PATL2: variants seen among roughly 807,000 people sequenced by gnomAD.
PATL2 encodes PAT1 homolog 2, also known as protein PAT1 homolog 2.
Under a neutral mutation model 77.0 loss-of-function variants are expected in PATL2, and 73 were observed. The observed-to-expected ratio is 0.95, with a 90% CI of 0.78 to 1.15. The LOEUF is 1.15. Among genes scored for constraint, PATL2 ranks in the 50% most tolerant of loss-of-function variants. PATL2 has a pLI of 0.00. For synonymous variants in PATL2, 265 were observed against 257.1 expected (o/e 1.03, Z -0.29); for missense variants, 618 against 655.4 (o/e 0.94, Z 0.62).
intron 3 of PATL2, among the ~76,000 whole-genome samples, chr15:44,705,415 C>T (rs2086714431): frequency 1.3e-5 from 2 of 152,182 alleles, no homozygotes; most frequent in African/African-American, 2.4e-5. Flanking sequence ...CTCCTGACCT[C>T]ATGATCTGCC....
chr15:44,672,249 A>G (rs1219968518), intron 8 of PATL2, 93 bp from the exon 9 acceptor site: 1 of 1,542,534 alleles, frequency 6.5e-7, no homozygotes, highest in East Asian at 2.4e-5. Context: ...TCTGGGAAGG[A>G]TGGAGCAAGC....
At chr15:44,677,471 T>C (rs1645353900) in intron 3 of PATL2, among the ~76,000 whole-genome samples, 1 of 152,190 alleles carries the variant, frequency 6.6e-6, no homozygotes, top group African/African-American at 2.4e-5. Flanking sequence ...TTGGCTGCTC[T>C]AATGGCAAAC....
At chr15:44,666,964 A>G in intron 16 of PATL2, 142 bp downstream of exon 16, 1 of 678,362 alleles carries the variant, frequency 1.5e-6, no homozygotes, top group South Asian at 1.9e-5. Flanking sequence ...GAAAAAAAGC[A>G]GAACAGCTAC....
At chr15:44,685,066 C>T (rs2086223257) in intron 3 of PATL2, among the ~76,000 whole-genome samples, 1 of 152,170 alleles carries the variant, frequency 6.6e-6, no homozygotes, top group South Asian at 2.1e-4. Context: ...TTGTCACCAA[C>T]AGGCCTGCCT....
chr15:44,691,619 C>T (rs2086393595), intron 3 of PATL2, among the ~76,000 whole-genome samples: 1 of 151,242 alleles, frequency 6.6e-6, no homozygotes, highest in Non-Finnish European at 1.5e-5. Flanking sequence ...GATCACAGCA[C>T]CACTGCACTC....
intron 15 of PATL2, 112 bp from the exon 16 acceptor site, chr15:44,667,315 G>T: frequency 2.6e-6 from 2 of 769,202 alleles, no homozygotes; most frequent in Non-Finnish European, 4.3e-6. Flanking sequence ...TAGAGATAGA[G>T]CTCAAAATAT....
intron 3 of PATL2, among the ~76,000 whole-genome samples, chr15:44,680,890 G>C (rs1451047633): frequency 2.0e-5 from 3 of 152,142 alleles, no homozygotes; most frequent in Non-Finnish European, 2.9e-5. Flanking sequence ...TGCAAATGCA[G>C]GGTCAAGACA....
chr15:44,678,228 A>G (rs1320222363), intron 3 of PATL2, among the ~76,000 whole-genome samples: 1 of 152,172 alleles, frequency 6.6e-6, no homozygotes, highest in Admixed American at 6.5e-5. Context: ...AGCACTATTA[A>G]CAAAAGGACC....
At chr15:44,695,244 G>T (rs933085093) in intron 3 of PATL2, among the ~76,000 whole-genome samples, 11 of 151,580 alleles carry the variant, frequency 7.3e-5, no homozygotes, top group African/African-American at 2.4e-4. Flanking sequence ...CAGGAGTTAA[G>T]AAATTAATTA....
At chr15:44,699,745 A>T (rs967097358) in intron 3 of PATL2, among the ~76,000 whole-genome samples, 1 of 152,192 alleles carries the variant, frequency 6.6e-6, no homozygotes, top group African/African-American at 2.4e-5. Context: ...AGCACCATTT[A>T]TTGAAGAGAG....
At chr15:44,674,436 T>G in intron 5 of PATL2, 1 of 555,628 alleles carries the variant, frequency 1.8e-6, no homozygotes, top group Non-Finnish European at 3.2e-6. Flanking sequence ...ACTAGTGCAG[T>G]GGTCCTCCCT....
In PATL2 at chr15:44,692,712, A is replaced by G. The variant is rs576676539; in HGVS notation, c.-75-16147T>C. On this transcript the variant is annotated intron_variant, in intron 3 of 17. Transcript: ENST00000682850. ...TTTAGGCCAGGCTAAGAAGAAGAAA[A>G]CCAAAACTTTGGGATATCTTTGTCT... is the stretch of plus-strand genomic sequence containing the variant. Among the ~76,000 whole-genome samples, 592 of 152,338 alleles carry G rather than the reference A, an allele frequency of 3.9e-3. 5 individuals are homozygous for G. The highest frequency in any genetic ancestry group is 0.014 in the African/African-American group (567 of 41,584).
rs772294594 is a variant in PATL2 at position 44,674,269 on chromosome 15, C to T, written c.223-39G>A. ...GAGGAAAAACCAGGCTCAAATGGGC[C>T]CCTGTAGTGTCTTCTGCATTCACCT... On this transcript the variant is annotated intron_variant, in intron 5 of 17. Transcript: ENST00000682850. The T allele has an allele frequency of 2.5e-5, 35 of 1,422,848 alleles. 1 individual carries two copies. The South Asian group carries it at 4.3e-4, about 18-fold the overall frequency. 88.1% of individuals were successfully genotyped at this position (1,422,848 alleles called of 1,614,324 possible).
intron 3 of PATL2, among the ~76,000 whole-genome samples, chr15:44,709,116 C>T (rs1410144204): frequency 6.6e-6 from 1 of 152,020 alleles, no homozygotes; most frequent in African/African-American, 2.4e-5. Flanking sequence ...CCAGGCTGGT[C>T]TCAAACTCCT....
chr15:44,693,768 C>G (rs192840386), intron 3 of PATL2, among the ~76,000 whole-genome samples: 24 of 152,006 alleles, frequency 1.6e-4, no homozygotes, highest in African/African-American at 5.3e-4. Context: ...TCTTGGCTCA[C>G]TGCAACCTTG....
chr15:44,711,299 C>T lies in PATL2; in HGVS notation c.-533G>A. The T allele has an allele frequency of 3.3e-6, 2 of 604,228 alleles. No individual in the cohort carries two copies. Among genetic ancestry groups the T allele is most frequent in the Non-Finnish European group, 5.9e-6 (2 of 336,732 alleles). 37.4% of individuals were successfully genotyped at this position (604,228 alleles called of 1,614,324 possible). A position where few individuals can be genotyped will look rare whatever the true frequency, so the allele number is the denominator to read the frequency against. On this transcript the variant is annotated 5_prime_UTR_variant, in exon 1 of 18. Coordinates refer to ENST00000682850, the MANE Select transcript of PATL2 (RefSeq NM_001387263.1). ...CCAAGCTGGGGCGCGCACCCCAGAT[C>T]GGAGGGCGCCGATGTACAGACAGCA... is the stretch of plus-strand genomic sequence containing the variant.
At chr15:44,676,738 G>C (rs1035848215) in intron 3 of PATL2, 173 bp from the exon 4 acceptor site, 1 of 1,253,652 alleles carries the variant, frequency 8.0e-7, no homozygotes, top group African/African-American at 1.5e-5. Context: ...CTCCCAGCTC[G>C]GCTCTAGGGA....
At chr15:44,679,552 C>CTTTTTTTTTTT (rs545161525) in intron 3 of PATL2, among the ~76,000 whole-genome samples, 36 of 114,322 alleles carry the variant, frequency 3.1e-4, no homozygotes, top group African/African-American at 4.6e-4. Context: ...TTTTCTTTTT[C>CTTTTTTTTTTT]TTTTTTTTTT....
At chr15:44,696,624 T>C (rs565532839) in intron 3 of PATL2, among the ~76,000 whole-genome samples, 1 of 152,268 alleles carries the variant, frequency 6.6e-6, no homozygotes, top group Non-Finnish European at 1.5e-5. Flanking sequence ...TTTCCTTTCA[T>C]TCTCCCCCAA....
Sources: allele counts gnomAD v4.1 joint callset (sites outside exome capture counted in the v4.1 genomes callset), GRCh38; gene constraint gnomAD v4.1.1; transcripts MANE v1.5; gene names NCBI Gene and HGNC (gene_info 2026-07-23, HGNC 2026-07-21).